DOCK10: variants seen among roughly 807,000 people sequenced by gnomAD.
DOCK10 encodes the protein dedicator of cytokinesis protein 10.
A neutral mutation model predicts 280.1 loss-of-function variants in DOCK10; 145 were observed. That is an observed-to-expected ratio of 0.52 (90% CI 0.45 to 0.59). DOCK10 has a LOEUF of 0.59. DOCK10 is among the 20% of genes least tolerant of loss of function. DOCK10 has a pLI of 0.00. For synonymous variants in DOCK10, 915 were observed against 942.2 expected, an observed-to-expected ratio of 0.97 and a Z score of 0.53; for missense variants, 2,368 against 2,651.7, an observed-to-expected ratio of 0.89 and a Z score of 2.35.
intron 1 of DOCK10, among the ~76,000 whole-genome samples, chr2:224,947,592 GAA>G (rs1703496737): frequency 6.6e-6 from 1 of 152,298 alleles, no homozygotes; most frequent in South Asian, 2.1e-4. Flanking sequence ...TGGACTCCTT[GAA>G]TCTGTATGTC....
intron 1 of DOCK10, chr2:225,010,631 C>T (rs565877457): frequency 6.5e-6 from 1 of 154,402 alleles, no homozygotes; most frequent in East Asian, 1.9e-4. Context: ...AGTTCAGGCA[C>T]TTCATCTTTT....
At chr2:224,937,006 G>T (rs1222777480) in intron 1 of DOCK10, among the ~76,000 whole-genome samples, 1 of 152,086 alleles carries the variant, frequency 6.6e-6, no homozygotes, top group East Asian at 1.9e-4. Flanking sequence ...CAAAACCCTG[G>T]GGAAAGGAGA....
chr2:224,915,962 A>G (rs1701286286), intron 3 of DOCK10, among the ~76,000 whole-genome samples: 1 of 152,210 alleles, frequency 6.6e-6, no homozygotes, highest in Non-Finnish European at 1.5e-5. Context: ...TTCCCACCCA[A>G]ATCTCATGAT....
chr2:225,022,845 C>T (rs1245415827), intron 1 of DOCK10, among the ~76,000 whole-genome samples: 1 of 152,110 alleles, frequency 6.6e-6, no homozygotes, highest in Non-Finnish European at 1.5e-5. Context: ...TAAATGCAGA[C>T]ATCTGTTTGT....
rs1706463068 is a variant in DOCK10 at position 225,002,373 on chromosome 2, T to C, written c.123+39879A>G. Among the ~76,000 whole-genome samples, 3 of 152,148 alleles carry C rather than the reference T, an allele frequency of 2.0e-5. No individual in the cohort carries two copies. The South Asian group carries it at 6.2e-4, about 32-fold the overall frequency. On this transcript the variant is annotated intron_variant, in intron 1 of 55. Coordinates refer to ENST00000258390, the MANE Select transcript of DOCK10 (RefSeq NM_014689.3). ...TAGTATCATTTCTTCAAGTTTCCAT[T>C]ACCAAGTGGCATGCTGAATAAAAGC...
chr2:224,943,542 T>C (rs967827711), intron 1 of DOCK10, among the ~76,000 whole-genome samples: 1 of 152,176 alleles, frequency 6.6e-6, no homozygotes, highest in Admixed American at 6.5e-5. Flanking sequence ...AAAACAGATA[T>C]GATAAGTATC....
intron 1 of DOCK10, among the ~76,000 whole-genome samples, chr2:224,961,418 C>CTTTCTT (rs1270804806): frequency 1.0e-5 from 1 of 100,194 alleles, no homozygotes; most frequent in Non-Finnish European, 2.0e-5. Context: ...CTTTCTCTTT[C>CTTTCTT]TTTCTTTCTT....
At chr2:225,015,958 T>C (rs1209316325) in intron 1 of DOCK10, among the ~76,000 whole-genome samples, 1 of 152,282 alleles carries the variant, frequency 6.6e-6, no homozygotes, top group Admixed American at 6.5e-5. Flanking sequence ...ATAAGACCAT[T>C]TTAGCTGGAA....
intron 14 of DOCK10, among the ~76,000 whole-genome samples, chr2:224,857,757 ATT>A (rs1179566219): frequency 2.0e-5 from 3 of 147,662 alleles, no homozygotes; most frequent in African/African-American, 7.4e-5. Context: ...AAAAAATAGA[ATT>A]TTTTTTTTTT....
At chr2:224,825,699 G>T (rs749704859) in intron 27 of DOCK10, among the ~76,000 whole-genome samples, 10 of 152,182 alleles carry the variant, frequency 6.6e-5, no homozygotes, top group Non-Finnish European at 1.2e-4. Context: ...TGAACCCAAA[G>T]ATGTCTGCCT....
intron 27 of DOCK10, among the ~76,000 whole-genome samples, chr2:224,828,740 GA>G (rs1559504556): frequency 6.6e-6 from 1 of 152,160 alleles, no homozygotes; most frequent in African/African-American, 2.4e-5. Context: ...TGAGTATCAT[GA>G]CAAATGACAA....
At chr2:224,917,101 C>CT (rs58223345) in intron 2 of DOCK10, among the ~76,000 whole-genome samples, 33,991 of 92,634 alleles carry the variant, frequency 0.37, 8,544 homozygotes, top group African/African-American at 0.46. Context: ...CTATTGGAAT[C>CT]TTTTTTTTTT....
intron 1 of DOCK10, among the ~76,000 whole-genome samples, chr2:224,977,050 A>G (rs572994151): frequency 3.3e-5 from 5 of 152,198 alleles, no homozygotes; most frequent in African/African-American, 4.8e-5. Flanking sequence ...TGTTTGCCAT[A>G]TAAGTGCACA....
At chr2:224,998,761 A>G (rs1706345309) in intron 1 of DOCK10, among the ~76,000 whole-genome samples, 1 of 152,196 alleles carries the variant, frequency 6.6e-6, no homozygotes, top group South Asian at 2.1e-4. Context: ...GGGGATTGAC[A>G]ACAAGCATTT....
chr2:224,872,385 T>G (rs1243271430), intron 11 of DOCK10, among the ~76,000 whole-genome samples: 3 of 152,082 alleles, frequency 2.0e-5, no homozygotes, highest in Non-Finnish European at 2.9e-5. Context: ...TTTAAAGGAG[T>G]GAAGACTGAC....
At chr2:224,938,300 T>C (rs16866375) in intron 1 of DOCK10, among the ~76,000 whole-genome samples, 2,552 of 152,286 alleles carry the variant, frequency 0.017, 70 homozygotes, top group African/African-American at 0.059. Flanking sequence ...TCAATATTCA[T>C]AACAGAATTA....
chr2:224,810,595 T>G (rs1040709071), intron 31 of DOCK10, among the ~76,000 whole-genome samples: 1 of 150,766 alleles, frequency 6.6e-6, no homozygotes, highest in African/African-American at 2.4e-5. Context: ...TAACTCGTCA[T>G]TTAGCATTAG....
intron 1 of DOCK10, among the ~76,000 whole-genome samples, chr2:224,995,831 G>A (rs932320755): frequency 2.0e-5 from 3 of 152,122 alleles, no homozygotes; most frequent in African/African-American, 7.2e-5. Context: ...AATGTGTATT[G>A]CTCACACTCT....
chr2:224,804,339 T>C, intron 38 of DOCK10, 126 bp from the exon 39 acceptor site: 1 of 570,108 alleles, frequency 1.8e-6, no homozygotes, highest in Non-Finnish European at 3.0e-6. Context: ...TAATCAAAAA[T>C]AAAACCCTGT....
Sources: gnomAD v4.1 joint callset for allele counts (sites outside exome capture counted in the v4.1 genomes callset) on GRCh38, gnomAD v4.1.1 for gene constraint, MANE v1.5 for transcripts, NCBI Gene and HGNC (gene_info 2026-07-23, HGNC 2026-07-21) for gene names.